Variants in ADAMTS17 observed in about 807,000 individuals in gnomAD.
The protein encoded by ADAMTS17 is ADAM metallopeptidase with thrombospondin type 1 motif 17.
Under a neutral mutation model 141.5 loss-of-function variants are expected in ADAMTS17, and 113 were observed. The observed-to-expected ratio is 0.80, with a 90% CI of 0.69 to 0.93. The LOEUF is 0.93. Among genes scored for constraint, ADAMTS17 ranks in the 40% least tolerant of loss-of-function variants. ADAMTS17 has a pLI of 0.00. For synonymous variants in ADAMTS17, 768 were observed against 630.6 expected, an observed-to-expected ratio of 1.22 and a Z score of -3.27; for missense variants, 1,659 against 1,517.9, an observed-to-expected ratio of 1.09 and a Z score of -1.54.
At chr15:100,110,199 A>G (rs865812071) in intron 13 of ADAMTS17, among the ~76,000 whole-genome samples, 4,084 of 142,264 alleles carry the variant, frequency 0.029, 242 homozygotes, top group African/African-American at 0.11. Flanking sequence ...ACTGATATAT[A>G]TATATCAGTA....
intron 18 of ADAMTS17, among the ~76,000 whole-genome samples, chr15:100,000,040 G>T (rs1168982692): frequency 6.6e-6 from 1 of 152,198 alleles, no homozygotes; most frequent in African/African-American, 2.4e-5. Context: ...GGGTGCAGTT[G>T]TGAGGACAAG....
In ADAMTS17 at chr15:100,117,000, C is replaced by T. The variant is rs1477905087; in HGVS notation, c.1735G>A (p.Gly579Ser). The change falls in exon 13 of 22, where the codon GGC becomes AGC. Residue 579 changes from glycine to serine, a missense_variant. By Grantham distance (56) the Gly-to-Ser change is moderately conservative (BLOSUM62 0). Coordinates refer to ENST00000268070, the MANE Select transcript of ADAMTS17 (RefSeq NM_139057.4). ...ACACTGGCACCCGGGCAGTGTGTGCCTCCAGGCCCAGGGCTAGAAGGAAGA... is the reference window on the plus strand; with the variant it reads ...ACACTGGCACCCGGGCAGTGTGTGCTTCCAGGCCCAGGGCTAGAAGGAAGA... ...KCDNPPPGPG[G>S]THCPGASVEH... 2 of 1,612,094 alleles carry T rather than the reference C, an allele frequency of 1.2e-6. No individual in the cohort carries two copies. Among genetic ancestry groups the T allele is most frequent in the African/African-American group, 1.3e-5 (1 of 74,870 alleles).
intron 8 of ADAMTS17, among the ~76,000 whole-genome samples, chr15:100,197,274 G>C (rs1249562472): frequency 6.6e-6 from 1 of 152,240 alleles, no homozygotes; most frequent in Non-Finnish European, 1.5e-5. Flanking sequence ...GGACATTGCA[G>C]TTCATGTAAC....
At chr15:100,178,577 C>G (rs2040417619) in intron 8 of ADAMTS17, among the ~76,000 whole-genome samples, 1 of 152,080 alleles carries the variant, frequency 6.6e-6, no homozygotes, top group Non-Finnish European at 1.5e-5. Context: ...TTTACCCATT[C>G]TGTTGTTCTT....
intron 7 of ADAMTS17, among the ~76,000 whole-genome samples, chr15:100,223,929 G>A (rs931445485): frequency 6.6e-6 from 1 of 152,060 alleles, no homozygotes. Flanking sequence ...TCCGAGTCCC[G>A]AAGCTGAAGA....
intron 18 of ADAMTS17, among the ~76,000 whole-genome samples, chr15:100,030,540 C>G (rs2030044359): frequency 6.6e-6 from 1 of 152,130 alleles, no homozygotes; most frequent in African/African-American, 2.4e-5. Context: ...CGCGCTGAGC[C>G]TGAAATCCAA....
At chr15:100,099,477 G>A (rs549407815) in intron 14 of ADAMTS17, among the ~76,000 whole-genome samples, 4 of 152,266 alleles carry the variant, frequency 2.6e-5, no homozygotes, top group African/African-American at 9.6e-5. Context: ...GTATTTATGA[G>A]GCTTGGTGTT....
At chr15:100,218,089 T>A (rs1010975322) in intron 7 of ADAMTS17, among the ~76,000 whole-genome samples, 4 of 152,124 alleles carry the variant, frequency 2.6e-5, no homozygotes, top group African/African-American at 4.8e-5. Context: ...CCCAGGCTAG[T>A]CTCAAACTCC....
intron 3 of ADAMTS17, among the ~76,000 whole-genome samples, chr15:100,293,172 C>A (rs1767724677): frequency 6.6e-6 from 1 of 152,004 alleles, no homozygotes. Flanking sequence ...ATTATCGCAC[C>A]CAGAAGAGGG....
At chr15:100,336,678 A>T (rs761636969) in intron 2 of ADAMTS17, among the ~76,000 whole-genome samples, 3 of 152,188 alleles carry the variant, frequency 2.0e-5, no homozygotes, top group Non-Finnish European at 4.4e-5. Context: ...ATAATTTTTG[A>T]CAAGACTAAC....
At chr15:100,326,122 C>G (rs2045893596) in intron 3 of ADAMTS17, among the ~76,000 whole-genome samples, 1 of 152,234 alleles carries the variant, frequency 6.6e-6, no homozygotes, top group African/African-American at 2.4e-5. Context: ...AATTGCGCCT[C>G]TACCATGGTT....
chr15:100,119,043 T>TACACACACACAC (rs60655404), intron 12 of ADAMTS17, among the ~76,000 whole-genome samples: 3 of 148,596 alleles, frequency 2.0e-5, no homozygotes, highest in East Asian at 2.0e-4. Flanking sequence ...CATCTGGAGA[T>TACACACACACAC]ACACACACAC....
chr15:100,053,858 C>G (rs1467297556), intron 16 of ADAMTS17, 39 bp downstream of exon 16: 4 of 1,613,970 alleles, frequency 2.5e-6, no homozygotes, highest in African/African-American at 1.3e-5. Flanking sequence ...CTCTCGGAGC[C>G]ACACCCCCTA....
chr15:99,976,350 A>G (rs1306325732), intron 20 of ADAMTS17, 128 bp from the exon 21 acceptor site: 2 of 1,215,470 alleles, frequency 1.6e-6, no homozygotes, highest in East Asian at 2.5e-5. Flanking sequence ...GGGGGCTGGG[A>G]TGATGGCCTC....
chr15:100,013,665 T>G (rs2061231297), intron 18 of ADAMTS17, among the ~76,000 whole-genome samples: 1 of 152,260 alleles, frequency 6.6e-6, no homozygotes, highest in South Asian at 2.1e-4. Context: ...TTTTAAATTC[T>G]ATTTATGTGG....
chr15:100,035,013 C>A (rs1296256683), intron 18 of ADAMTS17, among the ~76,000 whole-genome samples: 2 of 152,182 alleles, frequency 1.3e-5, no homozygotes, highest in Non-Finnish European at 1.5e-5. Flanking sequence ...TGTCTCCCAG[C>A]AAATGCCCCA....
intron 18 of ADAMTS17, among the ~76,000 whole-genome samples, chr15:100,002,750 G>T (rs533678914): frequency 6.6e-6 from 1 of 152,124 alleles, no homozygotes; most frequent in Non-Finnish European, 1.5e-5. Flanking sequence ...GATTCCTGCA[G>T]AGCAGTGAGG....
intron 7 of ADAMTS17, among the ~76,000 whole-genome samples, chr15:100,213,287 T>C (rs939091544): frequency 6.6e-6 from 1 of 152,204 alleles, no homozygotes; most frequent in African/African-American, 2.4e-5. Flanking sequence ...TTCTGAAAAT[T>C]AGTATTTCTA....
At chr15:100,323,212 A>C (rs10468190) in intron 3 of ADAMTS17, among the ~76,000 whole-genome samples, 125 of 152,260 alleles carry the variant, frequency 8.2e-4, no homozygotes, top group African/African-American at 2.8e-3. Context: ...GTGTTTACAT[A>C]TATTAACTTA....
Sources: allele counts gnomAD v4.1 joint callset (sites outside exome capture counted in the v4.1 genomes callset), GRCh38; gene constraint gnomAD v4.1.1; transcripts MANE v1.5; gene names NCBI Gene and HGNC (gene_info 2026-07-23, HGNC 2026-07-21).